Variants in KAZN observed in about 807,000 individuals in gnomAD.
The protein encoded by KAZN is kazrin.
A neutral mutation model predicts 87.4 loss-of-function variants in KAZN; 40 were observed. The observed-to-expected ratio is 0.46, with a 90% CI of 0.36 to 0.60. The LOEUF (loss-of-function observed/expected upper bound fraction) is 0.60, where lower values mean the gene tolerates loss of function less well. Among genes scored for constraint, KAZN ranks in the 20% least tolerant of loss-of-function variants. KAZN has a pLI of 0.00. For missense variants in KAZN, 898 were observed against 1,073.9 expected (o/e 0.84, Z 2.29); for synonymous variants, 466 against 458.3 (o/e 1.02, Z -0.22).
intron 1 of KAZN, among the ~76,000 whole-genome samples, chr1:13,935,003 G>A (rs1210856162): frequency 2.6e-5 from 4 of 152,168 alleles, no homozygotes; most frequent in East Asian, 1.9e-4. Context: ...TTGAGAGGTC[G>A]AGGCAGGTGG....
At chr1:14,024,899 A>T (rs1641002907) in intron 1 of KAZN, among the ~76,000 whole-genome samples, 3 of 152,362 alleles carry the variant, frequency 2.0e-5, no homozygotes, top group Admixed American at 2.0e-4. Context: ...TCCCCAGCTG[A>T]CATTAATATA....
intron 1 of KAZN, among the ~76,000 whole-genome samples, chr1:14,070,927 C>G (rs12406594): frequency 0.12 from 18,273 of 152,078 alleles, 1,206 homozygotes; most frequent in Admixed American, 0.13. Flanking sequence ...AGTGGAAGGA[C>G]AGAGAGGTTA....
At chr1:14,160,815 TG>T (rs1258015267) in intron 1 of KAZN, among the ~76,000 whole-genome samples, 14 of 152,210 alleles carry the variant, frequency 9.2e-5, no homozygotes, top group Non-Finnish European at 1.8e-4. Context: ...GGTGGGTGAC[TG>T]TTCAACTGCT....
At chr1:14,378,058 T>C (rs1418802270) in intron 2 of KAZN, among the ~76,000 whole-genome samples, 1 of 152,216 alleles carries the variant, frequency 6.6e-6, no homozygotes, top group Non-Finnish European at 1.5e-5. Flanking sequence ...TGTATTTGTT[T>C]ATTAATTTAA....
At chr1:14,917,618 G>T (rs1557618278) in intron 1 of KAZN, among the ~76,000 whole-genome samples, 1 of 152,178 alleles carries the variant, frequency 6.6e-6, no homozygotes, top group Non-Finnish European at 1.5e-5. Flanking sequence ...TAGTGACCAT[G>T]ATCATTTCCA....
At chr1:14,821,301 G>T (rs1213931081) in intron 1 of KAZN, among the ~76,000 whole-genome samples, 1 of 152,106 alleles carries the variant, frequency 6.6e-6, no homozygotes, top group African/African-American at 2.4e-5. Context: ...ATCACTTGAG[G>T]TCAGGAGTTT....
chr1:14,565,058 A>C (rs1261450129), intron 2 of KAZN, among the ~76,000 whole-genome samples: 1 of 152,204 alleles, frequency 6.6e-6, no homozygotes, highest in Non-Finnish European at 1.5e-5. Context: ...AAAAGTGTAT[A>C]AAAAATAAAG....
chr1:14,694,847 T>G (rs1384298823), intron 1 of KAZN, among the ~76,000 whole-genome samples: 2 of 152,170 alleles, frequency 1.3e-5, no homozygotes, highest in Non-Finnish European at 2.9e-5. Context: ...AATTGTTGGG[T>G]TTGTTATTAA....
At chr1:14,516,736 G>C (rs1433604030) in intron 2 of KAZN, among the ~76,000 whole-genome samples, 1 of 152,104 alleles carries the variant, frequency 6.6e-6, no homozygotes, top group African/African-American at 2.4e-5. Context: ...ATTTCCAAAG[G>C]GGGAAAAATA....
At chr1:14,886,459 C>CAT (rs2101130149) in intron 1 of KAZN, among the ~76,000 whole-genome samples, 1 of 151,276 alleles carries the variant, frequency 6.6e-6, no homozygotes, top group African/African-American at 2.4e-5. Context: ...CACACACACA[C>CAT]ACACAGAGAG....
At chr1:14,303,398 C>G (rs1654695580) in intron 2 of KAZN, among the ~76,000 whole-genome samples, 1 of 152,164 alleles carries the variant, frequency 6.6e-6, no homozygotes, top group Non-Finnish European at 1.5e-5. Flanking sequence ...TGCCTGCCAC[C>G]ACACCCGGCT....
chr1:14,237,978 T>A (rs942595481), intron 2 of KAZN, among the ~76,000 whole-genome samples: 7 of 152,206 alleles, frequency 4.6e-5, no homozygotes, highest in Non-Finnish European at 1.0e-4. Context: ...TTTTCTAATA[T>A]GCAAAGTTAA....
At chr1:14,426,734 G>A (rs190953404) in intron 2 of KAZN, among the ~76,000 whole-genome samples, 266 of 152,178 alleles carry the variant, frequency 1.7e-3, no homozygotes, top group African/African-American at 5.0e-3. Flanking sequence ...AGCCCCTCCC[G>A]CTCCATCCAG....
chr1:14,470,566 G>A (rs1476874638), intron 2 of KAZN, among the ~76,000 whole-genome samples: 1 of 152,202 alleles, frequency 6.6e-6, no homozygotes, highest in Non-Finnish European at 1.5e-5. Context: ...AGCCACATTA[G>A]CCAACAATTT....
At chr1:15,108,411 G>A (rs1479787307) in intron 13 of KAZN, among the ~76,000 whole-genome samples, 1 of 152,178 alleles carries the variant, frequency 6.6e-6, no homozygotes, top group South Asian at 2.1e-4. Context: ...TGGCTCCTCC[G>A]CCATCATCGT....
chr1:14,863,062 C>CGCTTCT (rs3835224), intron 1 of KAZN, among the ~76,000 whole-genome samples: 70,429 of 151,534 alleles, frequency 0.46, 18,137 homozygotes, highest in African/African-American at 0.68. Flanking sequence ...CAGGATGAGA[C>CGCTTCT]GCTTCTGTAG....
intron 1 of KAZN, among the ~76,000 whole-genome samples, chr1:13,940,084 C>T (rs192539390): frequency 4.6e-5 from 7 of 152,242 alleles, no homozygotes; most frequent in Non-Finnish European, 1.0e-4. Context: ...GGATACTCAC[C>T]TGTAGTTTTC....
chr1:14,665,458 T>C (rs886527556), intron 1 of KAZN, among the ~76,000 whole-genome samples: 2 of 152,080 alleles, frequency 1.3e-5, no homozygotes, highest in Non-Finnish European at 2.9e-5. Context: ...CCCGTCAAAA[T>C]CAATTATTTA....
At chr1:15,073,007 C>T (rs558785415) in intron 8 of KAZN, among the ~76,000 whole-genome samples, 2 of 152,292 alleles carry the variant, frequency 1.3e-5, no homozygotes, top group African/African-American at 4.8e-5. Flanking sequence ...TTCCATGGAA[C>T]CCCGAAGGGG....
Sources: gnomAD v4.1 joint callset for allele counts (sites outside exome capture counted in the v4.1 genomes callset) on GRCh38, gnomAD v4.1.1 for gene constraint, MANE v1.5 for transcripts, NCBI Gene and HGNC (gene_info 2026-07-23, HGNC 2026-07-21) for gene names.